Variants in GTF2A1L observed in about 807,000 individuals in gnomAD.
GTF2A1L encodes TFIIA-alpha and beta-like factor.
GTF2A1L carries 48 observed loss-of-function variants against 49.7 expected under a neutral mutation model. The ratio of observed to expected loss-of-function variants is 0.97; its 90% CI spans 0.77 to 1.23. The LOEUF is 1.23. Ranked by LOEUF, GTF2A1L falls within the 50% of genes most tolerant of loss-of-function variation. The pLI, the probability that GTF2A1L is intolerant of heterozygous loss-of-function variation, is 0.00. For synonymous variants in GTF2A1L, 246 were observed against 193.5 expected, an observed-to-expected ratio of 1.27 and a Z score of -2.25; for missense variants, 736 against 564.8, an observed-to-expected ratio of 1.30 and a Z score of -3.07.
chr2:48,645,014 A>G lies in GTF2A1L; in HGVS notation c.304-19A>G. 1 of 1,582,370 alleles carries G rather than the reference A, an allele frequency of 6.3e-7. No homozygotes were observed. The highest frequency in any genetic ancestry group is 8.5e-7 in the Non-Finnish European group (1 of 1,171,130). ...TAAAGTCCTTTTCTAACTTTCTAAT[A>G]TAAATTTCTTATATCTAGGGCACTT... On this transcript the variant is annotated intron_variant, in intron 4 of 8. Coordinates refer to ENST00000403751, the MANE Select transcript of GTF2A1L (RefSeq NM_006872.5).
intron 1 of GTF2A1L, among the ~76,000 whole-genome samples, chr2:48,618,591 G>C (rs528270091): frequency 1.2e-4 from 19 of 152,256 alleles, no homozygotes; most frequent in Non-Finnish European, 2.4e-4. Flanking sequence ...GTAATTTTAT[G>C]GGTTCCGGGT....
At chr2:48,647,416 A>T (rs2104205381) in intron 6 of GTF2A1L, among the ~76,000 whole-genome samples, 1 of 152,274 alleles carries the variant, frequency 6.6e-6, no homozygotes, top group South Asian at 2.1e-4. Context: ...TTCTTCAGAG[A>T]AAATGCGTTT....
intron 4 of GTF2A1L, among the ~76,000 whole-genome samples, chr2:48,643,074 A>G (rs904324321): frequency 6.6e-6 from 1 of 152,176 alleles, no homozygotes; most frequent in Non-Finnish European, 1.5e-5. Flanking sequence ...ATAATGTTAT[A>G]TGCTTGTTAC....
At position 48,646,860 on chromosome 2, in the gene GTF2A1L, G is replaced by A; in HGVS notation, c.796G>A (p.Gly266Ser). ...TTCTAATGTGGAGTCAGTGCTCAGT[G>A]GTTCAGCTAGCATGGCTCAAAATCT... is the stretch of plus-strand genomic sequence containing the variant. ...TNSNVESVLS[G>S]SASMAQNLHD... Residue 266 changes from glycine (G) to serine (S), a missense_variant, in exon 6 of 9, where the codon GGT becomes AGT. By Grantham distance (56) the Gly-to-Ser change is moderately conservative (BLOSUM62 0). Transcript: ENST00000403751. The A allele has an allele frequency of 6.2e-7, 1 of 1,614,182 alleles. No individual in the cohort carries two copies. Among genetic ancestry groups the A allele is most frequent in the Non-Finnish European group, 8.5e-7 (1 of 1,180,012 alleles).
intron 6 of GTF2A1L, among the ~76,000 whole-genome samples, chr2:48,652,051 G>C (rs552042615): frequency 1.3e-5 from 2 of 152,122 alleles, no homozygotes; most frequent in Non-Finnish European, 2.9e-5. Flanking sequence ...TGGTGGAAGT[G>C]CTTCTGAAGA....
Position 48,630,491 on chromosome 2 carries a change from C to G in GTF2A1L, c.247+9201C>G, listed in dbSNP as rs960206553. ...TTGTATCCTGAAACTTAACTGAAGACATGTATTAGTTCTAAGAGTCTTTTG... is the reference window on the plus strand; with the variant it reads ...TTGTATCCTGAAACTTAACTGAAGAGATGTATTAGTTCTAAGAGTCTTTTG... On this transcript the variant is annotated intron_variant, in intron 3 of 8. Coordinates refer to ENST00000403751, the MANE Select transcript of GTF2A1L (RefSeq NM_006872.5). 3.5e-5 allele frequency among the ~76,000 whole-genome samples: 5 copies of G among 144,178 alleles called. 1 individual carries two copies. The highest frequency in any genetic ancestry group is 4.7e-4 in the South Asian group (2 of 4,292). The allele number at this position is 144,178 out of a possible 152,430, so 94.6% of individuals were successfully genotyped here.
intron 3 of GTF2A1L, 67 bp from the exon 4 acceptor site, chr2:48,642,335 T>C: frequency 7.2e-7 from 1 of 1,394,168 alleles, no homozygotes; most frequent in Non-Finnish European, 9.7e-7. Context: ...AAAAATAAGC[T>C]ATATTTAGTG....
intron 6 of GTF2A1L, among the ~76,000 whole-genome samples, chr2:48,661,247 C>CTTTT (rs70946820): frequency 0.017 from 1,051 of 62,736 alleles, 299 homozygotes; most frequent in African/African-American, 0.074. Context: ...CATCCCCAAA[C>CTTTT]TTTTTTTTTT....
intron 3 of GTF2A1L, among the ~76,000 whole-genome samples, chr2:48,638,438 A>G (rs1173501723): frequency 6.6e-6 from 1 of 152,228 alleles, no homozygotes; most frequent in Admixed American, 6.5e-5. Context: ...AAATCAATAA[A>G]TGTGATTCAT....
chr2:48,626,404 T>C (rs1405226215), intron 3 of GTF2A1L, among the ~76,000 whole-genome samples: 1 of 144,528 alleles, frequency 6.9e-6, no homozygotes, highest in Non-Finnish European at 1.6e-5. Flanking sequence ...TTTGTATTTC[T>C]ATAAAGAAAG....
intron 4 of GTF2A1L, among the ~76,000 whole-genome samples, chr2:48,643,744 G>C (rs1488469178): frequency 1.5e-5 from 2 of 134,214 alleles, no homozygotes; most frequent in African/African-American, 2.8e-5. Context: ...TGTCACCCAA[G>C]TCTGGAGTGC....
At chr2:48,675,163 A>G (rs1327371185) in intron 8 of GTF2A1L, among the ~76,000 whole-genome samples, 1 of 152,132 alleles carries the variant, frequency 6.6e-6, no homozygotes, top group Non-Finnish European at 1.5e-5. Flanking sequence ...AGCTTTACTA[A>G]TTCAGTGTGT....
intron 6 of GTF2A1L, among the ~76,000 whole-genome samples, chr2:48,662,514 A>C (rs1189964117): frequency 6.6e-6 from 1 of 152,122 alleles, no homozygotes; most frequent in Non-Finnish European, 1.5e-5. Flanking sequence ...AAGGATGGTA[A>C]GGCAGAGTTT....
chr2:48,642,590 C>A, intron 4 of GTF2A1L, 133 bp downstream of exon 4: 1 of 762,592 alleles, frequency 1.3e-6, no homozygotes, highest in Non-Finnish European at 1.9e-6. Context: ...CGCGGTGGCT[C>A]ACGCCTGTAA....
chr2:48,656,348 GTTTTTTTTTTTTTT>G (rs367837291), intron 6 of GTF2A1L, among the ~76,000 whole-genome samples: 275 of 114,542 alleles, frequency 2.4e-3, no homozygotes, highest in Non-Finnish European at 4.2e-3. Flanking sequence ...CTTATTTTCT[GTTTTTTTTTTTTTT>G]TTTTTTTTTT....
In GTF2A1L at chr2:48,627,579, A is replaced by C. The variant is rs1313539219; in HGVS notation, c.247+6289A>C. ...TTATCATTGGCAAATACATGCTGTT[A>C]GTTTTTCTTAAAGTGATGGGCATGC... On this transcript the variant is annotated intron_variant, in intron 3 of 8. Transcript: ENST00000403751. Among the ~76,000 whole-genome samples, 2 of 144,262 alleles carry C rather than the reference A, an allele frequency of 1.4e-5. 1 individual carries two copies. Among genetic ancestry groups the C allele is most frequent in the Non-Finnish European group, 3.1e-5 (2 of 64,012 alleles). 94.6% of individuals were successfully genotyped at this position (144,262 alleles called of 152,430 possible).
chr2:48,618,033 CTCT>C lies in GTF2A1L; in HGVS notation c.21+144_21+146del, dbSNP rs1232526043. The C allele has an allele frequency of 1.6e-5, 14 of 873,280 alleles. No homozygotes were observed. In the East Asian group the frequency reaches 2.2e-4, roughly 14 times the overall value. The allele number at this position is 873,280 out of a possible 1,614,324, so 54.1% of individuals were successfully genotyped here. ...CCTCTCTCTTCCTTAGGGGCTGGGG[CTCT>C]TCTTCACGTCTGTGTTGGAGGAAGC... On this transcript the variant is annotated intron_variant, in intron 1 of 8. Transcript: ENST00000403751.
At chr2:48,662,163 C>A (rs1199592803) in intron 6 of GTF2A1L, among the ~76,000 whole-genome samples, 2 of 152,198 alleles carry the variant, frequency 1.3e-5, no homozygotes, top group Non-Finnish European at 2.9e-5. Context: ...TACTCGTTTA[C>A]AACTTTGCCC....
At chr2:48,661,721 C>T (rs1678511766) in intron 6 of GTF2A1L, among the ~76,000 whole-genome samples, 1 of 151,964 alleles carries the variant, frequency 6.6e-6, no homozygotes, top group Admixed American at 6.6e-5. Flanking sequence ...GTAACATAGC[C>T]ACTGCAGCTC....
Sources: gnomAD v4.1 joint callset for allele counts (sites outside exome capture counted in the v4.1 genomes callset) on GRCh38, gnomAD v4.1.1 for gene constraint, MANE v1.5 for transcripts, NCBI Gene and HGNC (gene_info 2026-07-23, HGNC 2026-07-21) for gene names.